SORCS2: variants seen among roughly 807,000 people sequenced by gnomAD.
SORCS2 encodes VPS10 domain-containing receptor SorCS2.
Under a neutral mutation model 141.6 loss-of-function variants are expected in SORCS2, and 100 were observed. The ratio of observed to expected loss-of-function variants is 0.71; its 90% CI spans 0.60 to 0.83. SORCS2 has a LOEUF of 0.83. Ranked by LOEUF, SORCS2 falls within the 40% of genes least tolerant of loss-of-function variation. The pLI is 0.00. For missense variants in SORCS2, 1,646 were observed against 1,560.2 expected (o/e 1.05, Z -0.93); for synonymous variants, 789 against 676.9 (o/e 1.17, Z -2.57).
At chr4:7,638,215 C>T (rs1284062771) in intron 3 of SORCS2, 113 bp from the exon 4 acceptor site, 6 of 1,301,526 alleles carry the variant, frequency 4.6e-6, no homozygotes, top group Non-Finnish European at 6.2e-6. Context: ...CCTCACAACC[C>T]CCTTTCTGGT....
At chr4:7,428,396 A>G (rs1315421557) in intron 2 of SORCS2, among the ~76,000 whole-genome samples, 2 of 152,160 alleles carry the variant, frequency 1.3e-5, no homozygotes, top group Non-Finnish European at 2.9e-5. Context: ...TGTCTTGGTG[A>G]CAGGACTGTG....
intron 1 of SORCS2, among the ~76,000 whole-genome samples, chr4:7,337,050 G>T (rs949169838): frequency 6.6e-6 from 1 of 152,182 alleles, no homozygotes; most frequent in Non-Finnish European, 1.5e-5. Context: ...GAAGAGAGAG[G>T]CTGGCTTTTT....
intron 3 of SORCS2, among the ~76,000 whole-genome samples, chr4:7,554,625 A>G (rs1469927910): frequency 2.6e-5 from 4 of 152,218 alleles, no homozygotes; most frequent in Non-Finnish European, 2.9e-5. Flanking sequence ...GAATGATGAA[A>G]AAGATGACTT....
chr4:7,510,129 G>A (rs1732525995), intron 2 of SORCS2, among the ~76,000 whole-genome samples: 1 of 152,242 alleles, frequency 6.6e-6, no homozygotes, highest in Non-Finnish European at 1.5e-5. Context: ...CTTGTGAAGT[G>A]GGTTTTGACC....
chr4:7,708,324 A>G (rs1203861794), intron 14 of SORCS2, among the ~76,000 whole-genome samples: 2 of 151,616 alleles, frequency 1.3e-5, no homozygotes, highest in African/African-American at 2.4e-5. Flanking sequence ...CAGGCCATGC[A>G]TTGTGGTGGG....
intron 1 of SORCS2, among the ~76,000 whole-genome samples, chr4:7,241,962 G>C (rs1712731658): frequency 6.6e-6 from 1 of 152,180 alleles, no homozygotes; most frequent in Non-Finnish European, 1.5e-5. Flanking sequence ...CAGCATCCCT[G>C]GCTGCAGCTG....
intron 2 of SORCS2, among the ~76,000 whole-genome samples, chr4:7,427,252 T>TG (rs963878455): frequency 8.3e-4 from 126 of 151,932 alleles, no homozygotes; most frequent in East Asian, 1.7e-3. Context: ...ACTCAGGCTC[T>TG]GGGGGGGGCT....
chr4:7,335,650 C>T (rs987510358), intron 1 of SORCS2, among the ~76,000 whole-genome samples: 4 of 152,262 alleles, frequency 2.6e-5, no homozygotes, highest in South Asian at 4.1e-4. Context: ...CATCCCTCCA[C>T]GCACACAGCC....
At chr4:7,469,345 A>G (rs921033306) in intron 2 of SORCS2, among the ~76,000 whole-genome samples, 4 of 152,214 alleles carry the variant, frequency 2.6e-5, no homozygotes, top group Non-Finnish European at 4.4e-5. Context: ...ACGCAGAGAC[A>G]GTGCTCACAA....
At position 7,459,038 on chromosome 4, in the gene SORCS2, G is replaced by A. The variant is rs766660248; in HGVS notation, c.548+62683G>A. ...GAGAAGCCTGCTGGGCTCCTAAGGC[G>A]CGTGGCAAAGGCCACGTCCTCCCCG... On this transcript the variant is annotated intron_variant, in intron 2 of 26. Transcript: ENST00000507866. 1.6e-4 allele frequency among the ~76,000 whole-genome samples: 25 copies of A among 152,216 alleles called. 1 individual carries two copies. Among genetic ancestry groups the A allele is most frequent in the East Asian group, 7.8e-4 (4 of 5,160 alleles).
chr4:7,429,742 C>T (rs763557781), intron 2 of SORCS2, among the ~76,000 whole-genome samples: 18 of 152,208 alleles, frequency 1.2e-4, no homozygotes, highest in African/African-American at 2.7e-4. Context: ...AGGACTTGCA[C>T]GTGGACATAT....
intron 2 of SORCS2, among the ~76,000 whole-genome samples, chr4:7,422,352 G>T (rs1342845230): frequency 6.6e-6 from 1 of 152,204 alleles, no homozygotes; most frequent in African/African-American, 2.4e-5. Flanking sequence ...GCCTCCTCTA[G>T]GTCCTGGATG....
In SORCS2 at chr4:7,226,036, A is replaced by C. The variant is rs1728970625; in HGVS notation, c.480+32910A>C. 2.0e-5 allele frequency among the ~76,000 whole-genome samples: 3 copies of C among 152,026 alleles called. No individual in the cohort carries two copies. The South Asian group carries it at 6.3e-4, about 32-fold the overall frequency. On this transcript the variant is annotated intron_variant, in intron 1 of 26. Coordinates refer to ENST00000507866, the MANE Select transcript of SORCS2 (RefSeq NM_020777.3). The stretch of plus-strand genomic sequence containing the variant: ...TCAAAGCACTTGGGGCTGTGTTTGA[A>C]CTCCGCCACCGTGAGAAAACGTGGC...
intron 2 of SORCS2, among the ~76,000 whole-genome samples, chr4:7,499,719 C>A (rs1251689655): frequency 6.6e-6 from 1 of 151,392 alleles, no homozygotes; most frequent in African/African-American, 2.4e-5. Context: ...AAGATCCTCT[C>A]GTCTGCCTTC....
chr4:7,724,316 G>GTGA (rs1553808273), intron 19 of SORCS2, among the ~76,000 whole-genome samples: 1 of 134,476 alleles, frequency 7.4e-6, no homozygotes, highest in African/African-American at 3.1e-5. Flanking sequence ...GGTGGTGGTG[G>GTGA]TGGTGGTGAT....
chr4:7,505,437 G>T (rs989481752), intron 2 of SORCS2, among the ~76,000 whole-genome samples: 1 of 152,066 alleles, frequency 6.6e-6, no homozygotes, highest in Non-Finnish European at 1.5e-5. Flanking sequence ...CAGGAGATGG[G>T]ACCACCCCTG....
At chr4:7,738,308 G>A (rs1712364378) in intron 26 of SORCS2, among the ~76,000 whole-genome samples, 1 of 152,246 alleles carries the variant, frequency 6.6e-6, no homozygotes, top group African/African-American at 2.4e-5. Context: ...GCCAGGCGGT[G>A]TGGGCACTTT....
chr4:7,724,922 GA>G (rs1727079887), intron 19 of SORCS2, among the ~76,000 whole-genome samples: 1 of 59,270 alleles, frequency 1.7e-5, no homozygotes, highest in African/African-American at 6.1e-5. Flanking sequence ...GGTGGGAATG[GA>G]TGGTGGTAGT....
chr4:7,494,285 G>A (rs551620462), intron 2 of SORCS2, among the ~76,000 whole-genome samples: 34 of 152,312 alleles, frequency 2.2e-4, no homozygotes, highest in African/African-American at 7.5e-4. Context: ...GCTGTTTCCC[G>A]GTGTTTTATA....
Sources: gnomAD v4.1 joint callset for allele counts (sites outside exome capture counted in the v4.1 genomes callset) on GRCh38, gnomAD v4.1.1 for gene constraint, MANE v1.5 for transcripts, NCBI Gene and HGNC (gene_info 2026-07-23, HGNC 2026-07-21) for gene names.